The following RPS6KC1 variants were observed in gnomAD, a reference collection of about 807,000 sequenced individuals.
RPS6KC1 encodes the protein ribosomal protein S6 kinase C1, also known as inactive ribosomal protein S6 kinase delta-1.
Under a neutral mutation model 103.8 loss-of-function variants are expected in RPS6KC1, and 54 were observed. The ratio of observed to expected loss-of-function variants is 0.52; its 90% CI spans 0.42 to 0.65. The LOEUF (loss-of-function observed/expected upper bound fraction) is 0.65. RPS6KC1 is among the 30% of genes least tolerant of loss of function. RPS6KC1 has a pLI of 0.00. For missense variants in RPS6KC1, 1,151 were observed against 1,253.8 expected (o/e 0.92, Z 1.24); for synonymous variants, 439 against 438.7 (o/e 1.00, Z -0.01).
chr1:213,380,752 G>A, the RPS6KC1 span, among the ~76,000 whole-genome samples: 1 of 152,168 alleles, frequency 6.6e-6, no homozygotes, highest in Admixed American at 6.5e-5. Context: ...AAAGGACTGG[G>A]TGCTGAGACC....
the RPS6KC1 span, among the ~76,000 whole-genome samples, chr1:213,617,810 A>C: frequency 6.6e-6 from 1 of 152,170 alleles, no homozygotes; most frequent in African/African-American, 2.4e-5. Flanking sequence ...AAAGCCTAGG[A>C]TGGAAGGAAA....
chr1:213,624,260 G>T, the RPS6KC1 span, among the ~76,000 whole-genome samples: 7 of 152,232 alleles, frequency 4.6e-5, no homozygotes, highest in African/African-American at 1.4e-4. Flanking sequence ...TGTGTACTCA[G>T]CATTGTGCCA....
the RPS6KC1 span, among the ~76,000 whole-genome samples, chr1:213,317,142 C>G: frequency 3.3e-5 from 5 of 152,172 alleles, no homozygotes; most frequent in African/African-American, 1.2e-4. Flanking sequence ...TATTAAAATA[C>G]AAATATAACT....
At chr1:213,728,969 A>G in the RPS6KC1 span, among the ~76,000 whole-genome samples, 2 of 52,660 alleles carry the variant, frequency 3.8e-5, no homozygotes, top group African/African-American at 2.3e-4. Flanking sequence ...TTTTTTTACC[A>G]GTGGACGATG....
chr1:213,475,612 C>T, the RPS6KC1 span, among the ~76,000 whole-genome samples: 12 of 152,158 alleles, frequency 7.9e-5, no homozygotes, highest in African/African-American at 2.7e-4. Flanking sequence ...ACGTCCCTCC[C>T]GCTGCCTCTC....
chr1:213,772,923 G>C, the RPS6KC1 span, among the ~76,000 whole-genome samples: 7 of 152,302 alleles, frequency 4.6e-5, no homozygotes, highest in East Asian at 7.7e-4. Flanking sequence ...ATGCAGAAAG[G>C]GGGGTAATGA....
the RPS6KC1 span, among the ~76,000 whole-genome samples, chr1:213,696,420 T>G: frequency 6.7e-6 from 1 of 148,754 alleles, no homozygotes; most frequent in East Asian, 2.0e-4. Flanking sequence ...GAGAATCGCT[T>G]GAACCCGGGA....
the RPS6KC1 span, among the ~76,000 whole-genome samples, chr1:213,386,018 C>A: frequency 6.6e-6 from 1 of 152,172 alleles, no homozygotes; most frequent in African/African-American, 2.4e-5. Flanking sequence ...GAAGTTTGAT[C>A]CTCAATGTTG....
the RPS6KC1 span, among the ~76,000 whole-genome samples, chr1:213,728,667 A>G: frequency 1.3e-5 from 2 of 152,074 alleles, no homozygotes; most frequent in Non-Finnish European, 2.9e-5. Context: ...GCTCTGCTGA[A>G]AAAGAGCTCC....
chr1:213,308,226 A>G, the RPS6KC1 span, among the ~76,000 whole-genome samples: 1 of 151,598 alleles, frequency 6.6e-6, no homozygotes, highest in Non-Finnish European at 1.5e-5. Context: ...AGGCATGAGA[A>G]TCACTTGAAC....
At chr1:213,312,257 G>C in the RPS6KC1 span, among the ~76,000 whole-genome samples, 1 of 151,864 alleles carries the variant, frequency 6.6e-6, no homozygotes, top group East Asian at 1.9e-4. Context: ...GTGCAGGGGG[G>C]GCAACTGCAC....
chr1:213,187,446 A>G (rs992728923), intron 8 of RPS6KC1, among the ~76,000 whole-genome samples: 3 of 151,926 alleles, frequency 2.0e-5, no homozygotes, highest in East Asian at 3.9e-4. Flanking sequence ...GGGTTTCACC[A>G]TGTTGGCCTG....
At chr1:213,110,761 C>T (rs2082943469) in intron 4 of RPS6KC1, among the ~76,000 whole-genome samples, 3 of 151,602 alleles carry the variant, frequency 2.0e-5, no homozygotes, top group Non-Finnish European at 4.4e-5. Context: ...AGCTTGACCC[C>T]TCTCTGGTCT....
intron 14 of RPS6KC1, among the ~76,000 whole-genome samples, chr1:213,267,859 T>G (rs1040591545): frequency 1.3e-5 from 2 of 151,748 alleles, no homozygotes; most frequent in African/African-American, 4.8e-5. Context: ...TAAATGAACT[T>G]AAATTAATAG....
At chr1:213,056,312 C>T (rs1381440768) in intron 1 of RPS6KC1, among the ~76,000 whole-genome samples, 2 of 152,118 alleles carry the variant, frequency 1.3e-5, no homozygotes, top group Non-Finnish European at 2.9e-5. Context: ...TGTCCAGGGT[C>T]ATATAGCCAG....
At chr1:213,349,880 C>T in the RPS6KC1 span, among the ~76,000 whole-genome samples, 1 of 152,110 alleles carries the variant, frequency 6.6e-6, no homozygotes, top group Non-Finnish European at 1.5e-5. Flanking sequence ...ATTTCTGTTC[C>T]CAGAGACAGA....
At chr1:213,401,360 G>T in the RPS6KC1 span, among the ~76,000 whole-genome samples, 3 of 152,194 alleles carry the variant, frequency 2.0e-5, no homozygotes, top group Admixed American at 6.5e-5. Context: ...GGCTGAGCCA[G>T]AATTAAAAGC....
chr1:213,359,889 A>G, the RPS6KC1 span, among the ~76,000 whole-genome samples: 2,106 of 152,190 alleles, frequency 0.014, 45 homozygotes, highest in African/African-American at 0.048. Context: ...TTGGCCCCCA[A>G]TCTCTTGTGG....
At chr1:213,450,907 G>A in the RPS6KC1 span, among the ~76,000 whole-genome samples, 8 of 151,820 alleles carry the variant, frequency 5.3e-5, no homozygotes, top group African/African-American at 1.5e-4. Context: ...CCCGGGAGGC[G>A]GATGTTGCAG....
Sources: allele counts gnomAD v4.1 joint callset (sites outside exome capture counted in the v4.1 genomes callset), GRCh38; gene constraint gnomAD v4.1.1; transcripts MANE v1.5; gene names NCBI Gene and HGNC (gene_info 2026-07-23, HGNC 2026-07-21).